The following AK2 variants were observed in gnomAD, a reference collection of about 807,000 sequenced individuals.
AK2 encodes the protein adenylate kinase 2, mitochondrial.
Under a neutral mutation model 24.6 loss-of-function variants are expected in AK2, and 15 were observed. The observed-to-expected ratio is 0.61, with a 90% CI of 0.41 to 0.94. The LOEUF (loss-of-function observed/expected upper bound fraction) is 0.94, where lower values mean the gene tolerates loss of function less well. Ranked by LOEUF, AK2 falls within the 40% of genes least tolerant of loss-of-function variation. The probability of loss-of-function intolerance (pLI) is 0.00; values close to 1 mark genes in which losing one functional copy is unlikely to be tolerated. For synonymous variants in AK2, 102 were observed against 114.0 expected (o/e 0.90, Z 0.67); for missense variants, 257 against 304.1 (o/e 0.85, Z 1.15).
chr1:33,032,492 C>T (rs538906808), intron 1 of AK2: 11 of 152,280 alleles, frequency 7.2e-5, no homozygotes, highest in Admixed American at 3.3e-4. Context: ...AACCATATCA[C>T]GGGGTAACGA....
In AK2 at chr1:33,011,489, T is replaced by A. The variant is rs545382740; in HGVS notation, c.*1692A>T. On this transcript the variant is annotated 3_prime_UTR_variant, in exon 6 of 6. Coordinates refer to ENST00000672715, the MANE Select transcript of AK2 (RefSeq NM_001625.4). Reference sequence around the variant, plus strand: ...GGGAAGCAAGGTGGCCAGGTACTCATGCCCAGTTGCCATGTGGACAGCAGA... The same window carrying A: ...GGGAAGCAAGGTGGCCAGGTACTCAAGCCCAGTTGCCATGTGGACAGCAGA... 13 of 1,287,402 alleles carry A rather than the reference T, an allele frequency of 1.0e-5. No homozygotes were observed. The African/African-American group carries it at 2.0e-4, about 20-fold the overall frequency. 79.7% of individuals were successfully genotyped at this position (1,287,402 alleles called of 1,614,324 possible).
At chr1:33,034,449 T>TATACACACAC (rs1491232479) in intron 1 of AK2, among the ~76,000 whole-genome samples, 1 of 141,886 alleles carries the variant, frequency 7.0e-6, no homozygotes, top group African/African-American at 2.6e-5. Context: ...GGGTGCTTGA[T>TATACACACAC]ACACACACAC....
intron 4 of AK2, among the ~76,000 whole-genome samples, chr1:33,020,501 AAGGAAAC>A (rs1639471062): frequency 6.6e-6 from 1 of 152,212 alleles, no homozygotes; most frequent in Non-Finnish European, 1.5e-5. Flanking sequence ...TTCTACATAT[AAGGAAAC>A]AGCCTCAGAG....
chr1:33,008,852 A>G lies in AK2; in HGVS notation c.*4329T>C, dbSNP rs1570169819. 1 of 454,152 alleles carries G rather than the reference A, an allele frequency of 2.2e-6. No individual in the cohort carries two copies. The highest frequency in any genetic ancestry group is 4.4e-6 in the Non-Finnish European group (1 of 226,790). 28.1% of individuals were successfully genotyped at this position (454,152 alleles called of 1,614,324 possible). A position where few individuals can be genotyped will look rare whatever the true frequency, so the allele number is the denominator to read the frequency against. On this transcript the variant is annotated 3_prime_UTR_variant, in exon 6 of 6. Coordinates refer to ENST00000672715, the MANE Select transcript of AK2 (RefSeq NM_001625.4). ...GTTTGCAGATTAGATGAGGAAACCC[A>G]GGCCCAAAGAAGCAAACAAACAATA...
At chr1:33,031,790 G>T (rs1640250322) in intron 1 of AK2, 1 of 415,868 alleles carries the variant, frequency 2.4e-6, no homozygotes, top group Non-Finnish European at 4.9e-6. Context: ...GCATAAGTTT[G>T]ACACATGGAA....
intron 1 of AK2, chr1:33,032,089 C>T (rs1475845158): frequency 6.1e-6 from 1 of 165,034 alleles, no homozygotes; most frequent in Non-Finnish European, 1.3e-5. Context: ...CAAAGTATAG[C>T]AGGAAGAAAA....
rs1047602103 is a variant in AK2, at chr1:33,012,099, T to C, written c.*1082A>G. On this transcript the variant is annotated 3_prime_UTR_variant, in exon 6 of 6. Transcript: ENST00000672715. ...CCTGGTCTCTTTTTGGGGAAGTAGA[T>C]TTGACTGCTCTCAGATGATCAGCCT... 1.6e-5 allele frequency: 25 copies of C among 1,535,328 alleles called. No individual in the cohort carries two copies. The highest frequency in any genetic ancestry group is 2.2e-5 in the Non-Finnish European group (25 of 1,146,738).
Position 33,012,746 on chromosome 1 carries a change from T to C in AK2, c.*435A>G. 1.0e-6 allele frequency: 1 copy of C among 979,408 alleles called. No individual in the cohort carries two copies. Among genetic ancestry groups the C allele is most frequent in the African/African-American group, 1.7e-5 (1 of 59,588 alleles). The allele number at this position is 979,408 out of a possible 1,614,324, so 60.7% of individuals were successfully genotyped here. A position where few individuals can be genotyped will look rare whatever the true frequency, so the allele number is the denominator to read the frequency against. ...ATCCTGTCTCTACAAAAAATACAAA[T>C]ATCAGCCAGGTGTTGTGGCATGCAC... On this transcript the variant is annotated 3_prime_UTR_variant, in exon 6 of 6. Transcript: ENST00000672715.
Position 33,012,367 on chromosome 1 carries a change from T to C in AK2, c.*814A>G. On this transcript the variant is annotated 3_prime_UTR_variant, in exon 6 of 6. Coordinates refer to ENST00000672715, the MANE Select transcript of AK2 (RefSeq NM_001625.4). ...CTAGGGGGAAAAAATTAATGATCCC[T>C]GTTCACACACTGACTCACGTGGGTT... 1.3e-6 allele frequency: 2 copies of C among 1,525,410 alleles called. No homozygotes were observed. Among genetic ancestry groups the C allele is most frequent in the Non-Finnish European group, 1.8e-6 (2 of 1,142,096 alleles). 94.5% of individuals were successfully genotyped at this position (1,525,410 alleles called of 1,614,324 possible). A position where few individuals can be genotyped will look rare whatever the true frequency, so the allele number is the denominator to read the frequency against.
At chr1:33,023,587 G>GA (rs1639685041) in intron 2 of AK2, among the ~76,000 whole-genome samples, 1 of 151,838 alleles carries the variant, frequency 6.6e-6, no homozygotes, top group Admixed American at 6.6e-5. Flanking sequence ...AAAAAAGAGA[G>GA]AAAATGCAAT....
At chr1:33,033,598 T>C (rs1436943173) in intron 1 of AK2, among the ~76,000 whole-genome samples, 3 of 152,360 alleles carry the variant, frequency 2.0e-5, no homozygotes, top group Admixed American at 6.5e-5. Context: ...AAGGATATTA[T>C]GCTTATGTTT....
rs1396556264 is a variant in AK2 at position 33,012,458 on chromosome 1, C to T, written c.*723G>A. On this transcript the variant is annotated 3_prime_UTR_variant, in exon 6 of 6. Coordinates refer to ENST00000672715, the MANE Select transcript of AK2 (RefSeq NM_001625.4). ...TAATGTGCCATCAGGAACTGTGACC[C>T]TGCCTGACTTCACATGATCCTGGAC... The T allele has an allele frequency of 1.4e-6, 2 of 1,430,860 alleles. No individual in the cohort carries two copies. The allele number at this position is 1,430,860 out of a possible 1,614,324, so 88.6% of individuals were successfully genotyped here.
chr1:33,029,762 C>T (rs1360611411), intron 1 of AK2, among the ~76,000 whole-genome samples: 1 of 152,094 alleles, frequency 6.6e-6, no homozygotes, highest in Non-Finnish European at 1.5e-5. Flanking sequence ...CACTATAGCC[C>T]CAAACTCCTG....
In AK2 at chr1:33,011,421, G is replaced by A; in HGVS notation, c.*1760C>T. On this transcript the variant is annotated 3_prime_UTR_variant, in exon 6 of 6. Transcript: ENST00000672715. ...AGTTGGTTTAGAGCCAGGAAAACAA[G>A]GCAGGACAGAGGCAGCAGACACTCA... 7.8e-7 allele frequency: 1 copy of A among 1,287,370 alleles called. No homozygotes were observed. Among genetic ancestry groups the A allele is most frequent in the Non-Finnish European group, 1.0e-6 (1 of 988,800 alleles). The allele number at this position is 1,287,370 out of a possible 1,614,324, so 79.7% of individuals were successfully genotyped here. A position where few individuals can be genotyped will look rare whatever the true frequency, so the allele number is the denominator to read the frequency against.
In AK2 at chr1:33,021,631, G is replaced by A. The variant is rs774007251; in HGVS notation, c.292C>T (p.Leu98=). ...ETPLCKNGFL[L]DGFPRTVRQA... is the part of the protein sequence containing the mutation. The stretch of plus-strand genomic sequence containing the variant: ...CTCACAGTCCGAGGGAAGCCATCCA[G>A]AAGAAAACCATTTTTGCACAAGGGG... Residue 98 remains leucine, a synonymous_variant, in exon 3 of 6, where the codon CTG becomes TTG. Transcript: ENST00000672715. The A allele has an allele frequency of 2.5e-6, 4 of 1,614,024 alleles. No individual in the cohort carries two copies. The South Asian group carries it at 3.3e-5, about 13-fold the overall frequency.
chr1:33,026,152 A>G (rs1408369270), intron 1 of AK2, among the ~76,000 whole-genome samples: 2 of 152,244 alleles, frequency 1.3e-5, no homozygotes, highest in Admixed American at 1.3e-4. Context: ...AAGCAGGTTT[A>G]GATCCCGATT....
Position 33,012,715 on chromosome 1 carries a change from G to C in AK2, c.*466C>G. ...AGTTCAAGACCAGCCTGGGCAACTTGGCAAAATCCTGTCTCTACAAAAAAT... is the reference window on the plus strand; with the variant it reads ...AGTTCAAGACCAGCCTGGGCAACTTCGCAAAATCCTGTCTCTACAAAAAAT... On this transcript the variant is annotated 3_prime_UTR_variant, in exon 6 of 6. Transcript: ENST00000672715. 2 of 1,097,174 alleles carry C rather than the reference G, an allele frequency of 1.8e-6. No individual in the cohort carries two copies. Among genetic ancestry groups the C allele is most frequent in the South Asian group, 2.6e-5 (2 of 76,714 alleles). 68.0% of individuals were successfully genotyped at this position (1,097,174 alleles called of 1,614,324 possible).
At chr1:33,035,213 C>CA (rs1161260984) in intron 1 of AK2, among the ~76,000 whole-genome samples, 1 of 152,076 alleles carries the variant, frequency 6.6e-6, no homozygotes, top group Non-Finnish European at 1.5e-5. Flanking sequence ...GGATCAGGTA[C>CA]AGGTAAGCTC....
chr1:33,016,546 G>C lies in AK2; in HGVS notation c.426-1952C>G, dbSNP rs1639199940. On this transcript the variant is annotated intron_variant, in intron 4 of 5. Coordinates refer to ENST00000672715, the MANE Select transcript of AK2 (RefSeq NM_001625.4). ...ATTTTTTGAGACATGGTCTTGCTCTGTTGTCCAGGCTGGAGTGCAATGGCA... is the reference window on the plus strand; with the variant it reads ...ATTTTTTGAGACATGGTCTTGCTCTCTTGTCCAGGCTGGAGTGCAATGGCA... Among the ~76,000 whole-genome samples, 2 of 151,788 alleles carry C rather than the reference G, an allele frequency of 1.3e-5. 1 individual carries two copies. The highest frequency in any genetic ancestry group is 4.2e-4 in the South Asian group (2 of 4,810).
Sources: allele counts gnomAD v4.1 joint callset (sites outside exome capture counted in the v4.1 genomes callset), GRCh38; gene constraint gnomAD v4.1.1; transcripts MANE v1.5; gene names NCBI Gene and HGNC (gene_info 2026-07-23, HGNC 2026-07-21).